Variants in PRKCD observed in about 807,000 individuals in gnomAD.
PRKCD encodes protein kinase C delta.
Under a neutral mutation model 82.2 loss-of-function variants are expected in PRKCD, and 20 were observed. The observed-to-expected ratio is 0.24, with a 90% CI of 0.17 to 0.35. The LOEUF is 0.35. Among genes scored for constraint, PRKCD ranks in the 10% least tolerant of loss-of-function variants. PRKCD has a pLI of 1.00. For missense variants in PRKCD, 607 were observed against 899.0 expected, an observed-to-expected ratio of 0.68 and a Z score of 4.15; for synonymous variants, 317 against 337.0, an observed-to-expected ratio of 0.94 and a Z score of 0.65.
chr3:53,192,254 C>G lies in PRKCD; in HGVS notation c.2019C>G (p.Leu673=). 6.2e-7 allele frequency: 1 copy of G among 1,614,128 alleles called. No homozygotes were observed. ...TTGTGAACCCCAAATTCGAGCACCTCCTGGAAGATTGAGGTTCCTGGACAG... is the reference window on the plus strand; with the variant it reads ...TTGTGAACCCCAAATTCGAGCACCTGCTGGAAGATTGAGGTTCCTGGACAG... The part of the protein sequence containing the change: ...FSFVNPKFEH[L]LED Residue 673 remains leucine, a synonymous_variant, in exon 19 of 19, where the codon CTC becomes CTG. Coordinates refer to ENST00000330452, the MANE Select transcript of PRKCD (RefSeq NM_006254.4).
At chr3:53,168,731 G>A (rs1375152617) in intron 2 of PRKCD, among the ~76,000 whole-genome samples, 1 of 151,916 alleles carries the variant, frequency 6.6e-6, no homozygotes, top group Non-Finnish European at 1.5e-5. Flanking sequence ...TAAGCGGGAA[G>A]GAACTGGCTG....
At chr3:53,183,367 TG>T in intron 8 of PRKCD, 84 bp from the exon 9 acceptor site, 1 of 1,590,316 alleles carries the variant, frequency 6.3e-7, no homozygotes, top group Non-Finnish European at 8.6e-7. Flanking sequence ...GATGTTGTTG[TG>T]CCCAGGGTTG....
intron 1 of PRKCD, among the ~76,000 whole-genome samples, chr3:53,164,404 G>A (rs1702768095): frequency 6.6e-6 from 1 of 152,116 alleles, no homozygotes; most frequent in South Asian, 2.1e-4. Flanking sequence ...CCAACATGGT[G>A]AAACCCTGTC....
At position 53,185,657 on chromosome 3, in the gene PRKCD, G is replaced by C; in HGVS notation, c.942G>C (p.Gln314His). Residue 314 changes from glutamine to histidine, a missense_variant, in exon 11 of 19, where the codon CAG becomes CAC. This residue lies in a region of PRKCD where 85 missense variants were observed against 76.1 expected (regional missense o/e 1.12). Transcript: ENST00000330452. ...SASSEPVGIYQGFEKKTGVAG... is the reference protein window; with the variant it reads ...SASSEPVGIYHGFEKKTGVAG... Reference sequence around the variant, plus strand: ...CCTCAGAGCCTGTTGGGATATATCAGGGTTTCGAGAAGAAGACCGGAGTTG... The same window carrying C: ...CCTCAGAGCCTGTTGGGATATATCACGGTTTCGAGAAGAAGACCGGAGTTG... 1 of 1,613,040 alleles carries C rather than the reference G, an allele frequency of 6.2e-7. No homozygotes were observed. The highest frequency in any genetic ancestry group is 8.5e-7 in the Non-Finnish European group (1 of 1,180,034).
At chr3:53,186,461 C>CT (rs1327760929) in intron 13 of PRKCD, 121 bp downstream of exon 13, 5 of 1,398,642 alleles carry the variant, frequency 3.6e-6, no homozygotes, top group African/African-American at 2.8e-5. Flanking sequence ...ATGCTTTCCC[C>CT]CCTCATGCCT....
At chr3:53,185,728 G>A (rs369764009) in intron 11 of PRKCD, 28 bp downstream of exon 11, 131 of 1,606,284 alleles carry the variant, frequency 8.2e-5, no homozygotes, top group African/African-American at 7.9e-4. Flanking sequence ...GCCCCATTAC[G>A]GTTTTTATTC....
In PRKCD at chr3:53,183,061, C is replaced by G. The variant is rs1047285820; in HGVS notation, c.572-60C>G. 5.8e-6 allele frequency: 9 copies of G among 1,563,626 alleles called. No homozygotes were observed. The African/African-American group carries it at 1.2e-4, about 21-fold the overall frequency. On this transcript the variant is annotated intron_variant, in intron 7 of 18. Transcript: ENST00000330452. ...CTAGACTGGTCGGCAGGCACCAGCTCATAGACTCTGCCCCTCCCGGTGCTT... is the reference window on the plus strand; with the variant it reads ...CTAGACTGGTCGGCAGGCACCAGCTGATAGACTCTGCCCCTCCCGGTGCTT...
intron 15 of PRKCD, 147 bp downstream of exon 15, chr3:53,187,549 C>T (rs1703754973): frequency 1.1e-6 from 1 of 912,514 alleles, no homozygotes; most frequent in African/African-American, 1.7e-5. Flanking sequence ...CTATGCCTCC[C>T]ACCCTGGTGT....
intron 2 of PRKCD, among the ~76,000 whole-genome samples, chr3:53,166,986 G>A (rs1385173812): frequency 1.3e-5 from 2 of 152,246 alleles, no homozygotes; most frequent in African/African-American, 4.8e-5. Flanking sequence ...AGTGGGTGGG[G>A]GTCCTATCAA....
chr3:53,189,354 GTGGT>G, intron 17 of PRKCD, 108 bp downstream of exon 17: 1 of 1,195,378 alleles, frequency 8.4e-7, no homozygotes, highest in Non-Finnish European at 1.2e-6. Flanking sequence ...GGCAGCCTCA[GTGGT>G]GCTGCAGTCC....
rs1703964821 is a variant in PRKCD at position 53,192,555 on chromosome 3, T to A, written c.*289T>A. 6.0e-6 allele frequency: 1 copy of A among 167,400 alleles called. No homozygotes were observed. Among genetic ancestry groups the A allele is most frequent in the African/African-American group, 2.4e-5 (1 of 40,904 alleles). 10.4% of individuals were successfully genotyped at this position (167,400 alleles called of 1,614,324 possible). A position where few individuals can be genotyped will look rare whatever the true frequency, so the allele number is the denominator to read the frequency against. On this transcript the variant is annotated 3_prime_UTR_variant, in exon 19 of 19. Coordinates refer to ENST00000330452, the MANE Select transcript of PRKCD (RefSeq NM_006254.4). ...TACATAGACATATATATATATATAA[T>A]AGGCTGTATATATTGCTCAGTAGAG... is the stretch of plus-strand genomic sequence containing the variant.
At chr3:53,176,822 G>A (rs1703228166) in intron 2 of PRKCD, among the ~76,000 whole-genome samples, 1 of 152,082 alleles carries the variant, frequency 6.6e-6, no homozygotes, top group African/African-American at 2.4e-5. Context: ...ATACAGTTTG[G>A]GTTTTTTTTA....
intron 1 of PRKCD, among the ~76,000 whole-genome samples, chr3:53,162,444 C>G (rs190147026): frequency 5.2e-4 from 79 of 152,306 alleles, no homozygotes; most frequent in African/African-American, 1.9e-3. Flanking sequence ...CCTTCTCTGA[C>G]GCCTACCCTG....
chr3:53,167,092 A>G (rs1702859538), intron 2 of PRKCD, among the ~76,000 whole-genome samples: 1 of 152,114 alleles, frequency 6.6e-6, no homozygotes, highest in Admixed American at 6.5e-5. Context: ...TCACTTCCCA[A>G]AGCCTGGGCC....
At position 53,164,243 on chromosome 3, in the gene PRKCD, T is replaced by G. The variant is rs183781395; in HGVS notation, c.-131-861T>G. On this transcript the variant is annotated intron_variant, in intron 1 of 18. Transcript: ENST00000330452. ...TTTTTCAGCTGTGTAATGGGCACAATAGTAATGTGAGAATCACCTGAACTG... is the reference window on the plus strand; with the variant it reads ...TTTTTCAGCTGTGTAATGGGCACAAGAGTAATGTGAGAATCACCTGAACTG... 1.1e-4 allele frequency among the ~76,000 whole-genome samples: 16 copies of G among 152,282 alleles called. No individual in the cohort carries two copies. The South Asian group carries it at 2.1e-3, about 20-fold the overall frequency.
intron 4 of PRKCD, 55 bp downstream of exon 4, chr3:53,179,831 T>C (rs1273080478): frequency 1.9e-6 from 3 of 1,541,466 alleles, no homozygotes; most frequent in East Asian, 2.5e-5. Flanking sequence ...TGTGTGTGTG[T>C]GCATGCGTGC....
chr3:53,170,096 A>C (rs1702967420), intron 2 of PRKCD, among the ~76,000 whole-genome samples: 2 of 152,202 alleles, frequency 1.3e-5, no homozygotes, highest in African/African-American at 4.8e-5. Context: ...CTTCTCCCAA[A>C]CACAAAACGA....
intron 14 of PRKCD, among the ~76,000 whole-genome samples, chr3:53,186,927 C>T (rs779233911): frequency 2.6e-5 from 4 of 152,168 alleles, no homozygotes; most frequent in South Asian, 2.1e-4. Context: ...GGGTCCTGGC[C>T]GCTCCGTGGG....
chr3:53,190,442 G>C (rs1553670585), intron 18 of PRKCD, among the ~76,000 whole-genome samples: 1 of 152,182 alleles, frequency 6.6e-6, no homozygotes, highest in Non-Finnish European at 1.5e-5. Flanking sequence ...GACAGTATAA[G>C]AGATGCCCCA....
Sources: gnomAD v4.1 joint callset for allele counts (sites outside exome capture counted in the v4.1 genomes callset) on GRCh38, gnomAD v4.1.1 for gene constraint, gnomAD v4.1.1 regional missense constraint, MANE v1.5 for transcripts, NCBI Gene and HGNC (gene_info 2026-07-23, HGNC 2026-07-21) for gene names.